Variants in GLIS3 observed in about 807,000 individuals in gnomAD.
GLIS3 encodes zinc finger protein GLIS3.
Under a neutral mutation model 78.6 loss-of-function variants are expected in GLIS3, and 53 were observed. The ratio of observed to expected loss-of-function variants is 0.67; its 90% CI spans 0.54 to 0.85. The LOEUF (loss-of-function observed/expected upper bound fraction) is 0.85. Among genes scored for constraint, GLIS3 ranks in the 40% least tolerant of loss-of-function variants. GLIS3 has a pLI of 0.00. For missense variants in GLIS3, 1,703 were observed against 1,231.1 expected, an observed-to-expected ratio of 1.38 and a Z score of -5.74; for synonymous variants, 684 against 509.9, an observed-to-expected ratio of 1.34 and a Z score of -4.60.
chr9:4,389,260 G>A, the GLIS3 span, among the ~76,000 whole-genome samples: 1 of 152,132 alleles, frequency 6.6e-6, no homozygotes, highest in African/African-American at 2.4e-5. Flanking sequence ...GGCTAATTTC[G>A]AAATCAATTC....
chr9:4,008,540 T>C (rs922338660), intron 4 of GLIS3, among the ~76,000 whole-genome samples: 1 of 152,204 alleles, frequency 6.6e-6, no homozygotes, highest in Non-Finnish European at 1.5e-5. Context: ...CTCCAGGTGT[T>C]CCCTTATCCT....
intron 7 of GLIS3, among the ~76,000 whole-genome samples, chr9:3,891,145 C>A (rs1002275864): frequency 1.3e-5 from 2 of 150,746 alleles, no homozygotes; most frequent in African/African-American, 4.9e-5. Context: ...TAATCTGTGG[C>A]ATCTGTTCTC....
At chr9:4,037,329 C>A (rs1047108058) in intron 4 of GLIS3, among the ~76,000 whole-genome samples, 2 of 152,154 alleles carry the variant, frequency 1.3e-5, no homozygotes, top group Non-Finnish European at 2.9e-5. Context: ...AGGCAAATTA[C>A]TAACCCCTCC....
chr9:4,149,174 A>C (rs932363428), intron 2 of GLIS3, among the ~76,000 whole-genome samples: 4 of 152,180 alleles, frequency 2.6e-5, no homozygotes, highest in Admixed American at 2.0e-4. Flanking sequence ...ATTAAAAATG[A>C]AGTGAAAGTT....
the GLIS3 span, among the ~76,000 whole-genome samples, chr9:4,452,969 A>G: frequency 2.0e-5 from 3 of 152,218 alleles, no homozygotes; most frequent in African/African-American, 7.2e-5. Context: ...ACAGAGAGAT[A>G]GACCAATGGA....
chr9:3,948,636 G>C (rs1816461135), intron 4 of GLIS3, among the ~76,000 whole-genome samples: 1 of 152,142 alleles, frequency 6.6e-6, no homozygotes, highest in Non-Finnish European at 1.5e-5. Context: ...CTGCCTAAAA[G>C]TATAAAGTCT....
chr9:3,909,388 G>T (rs1823978703), intron 6 of GLIS3, among the ~76,000 whole-genome samples: 1 of 152,200 alleles, frequency 6.6e-6, no homozygotes, highest in Non-Finnish European at 1.5e-5. Flanking sequence ...CTAACAATCT[G>T]CTATCAAATT....
At chr9:4,306,293 G>GT (rs1369026649) in intron 4 of GLIS3, among the ~76,000 whole-genome samples, 1 of 150,274 alleles carries the variant, frequency 6.7e-6, no homozygotes, top group African/African-American at 2.4e-5. Flanking sequence ...CAGGCTGTGG[G>GT]TTTTTCAGGG....
chr9:3,838,844 T>TG (rs1271681129), intron 9 of GLIS3, among the ~76,000 whole-genome samples: 2 of 152,202 alleles, frequency 1.3e-5, no homozygotes, highest in Non-Finnish European at 2.9e-5. Flanking sequence ...CCTTGCTCTC[T>TG]GGGGACCCTT....
At chr9:4,063,137 C>G (rs1353026538) in intron 4 of GLIS3, among the ~76,000 whole-genome samples, 1 of 151,988 alleles carries the variant, frequency 6.6e-6, no homozygotes, top group Admixed American at 6.6e-5. Context: ...GTCAGCACCA[C>G]CTTATGTCTG....
intron 2 of GLIS3, among the ~76,000 whole-genome samples, chr9:4,338,379 CACACACACAT>C (rs1488262950): frequency 3.0e-5 from 4 of 132,212 alleles, no homozygotes; most frequent in African/African-American, 1.2e-4. Flanking sequence ...CACACACACA[CACACACACAT>C]ACACACACAC....
chr9:4,352,036 C>A (rs1817978248), upstream of GLIS3, among the ~76,000 whole-genome samples: 2 of 152,208 alleles, frequency 1.3e-5, 1 homozygote, highest in African/African-American at 4.8e-5. Flanking sequence ...AAATCTCTTT[C>A]TTTTCATGAA....
the GLIS3 span, among the ~76,000 whole-genome samples, chr9:4,353,994 T>TA: frequency 5.4e-5 from 1 of 18,460 alleles, no homozygotes; most frequent in African/African-American, 1.4e-4. Context: ...CACCCGGCTA[T>TA]TTTTTTTTTT....
At chr9:4,281,283 T>C (rs1827523991) in intron 2 of GLIS3, among the ~76,000 whole-genome samples, 1 of 152,180 alleles carries the variant, frequency 6.6e-6, no homozygotes, top group Non-Finnish European at 1.5e-5. Context: ...GTAAAATATA[T>C]ACAGCATAAA....
intron 2 of GLIS3, among the ~76,000 whole-genome samples, chr9:4,146,649 G>A (rs1834246662): frequency 6.6e-6 from 1 of 152,176 alleles, no homozygotes; most frequent in Admixed American, 6.5e-5. Flanking sequence ...AGCAACTGCA[G>A]TTACGATCCA....
At chr9:3,959,710 T>C (rs1817413573) in intron 4 of GLIS3, among the ~76,000 whole-genome samples, 1 of 152,202 alleles carries the variant, frequency 6.6e-6, no homozygotes, top group Non-Finnish European at 1.5e-5. Context: ...GGAACATTTC[T>C]TCCCCTAGAG....
intron 4 of GLIS3, among the ~76,000 whole-genome samples, chr9:3,970,495 G>T (rs1818301020): frequency 6.6e-6 from 1 of 152,038 alleles, no homozygotes; most frequent in Non-Finnish European, 1.5e-5. Context: ...CTAAAAGTTT[G>T]CCATAGACAT....
the GLIS3 span, among the ~76,000 whole-genome samples, chr9:4,437,006 G>A: frequency 5.9e-5 from 9 of 152,096 alleles, no homozygotes; most frequent in Admixed American, 5.9e-4. Flanking sequence ...TGCAGTAGAA[G>A]TATAGAGAGA....
chr9:4,044,362 C>T (rs1825076709), intron 4 of GLIS3, among the ~76,000 whole-genome samples: 1 of 152,156 alleles, frequency 6.6e-6, no homozygotes, highest in Non-Finnish European at 1.5e-5. Context: ...TCCCAACGCC[C>T]CTTAGCACGT....
Sources: gnomAD v4.1 joint callset for allele counts (sites outside exome capture counted in the v4.1 genomes callset) on GRCh38, gnomAD v4.1.1 for gene constraint, MANE v1.5 for transcripts, NCBI Gene and HGNC (gene_info 2026-07-23, HGNC 2026-07-21) for gene names.